The following PCDH9 variants were observed in gnomAD, a reference collection of about 807,000 sequenced individuals.
PCDH9 encodes the protein protocadherin 9.
PCDH9 carries 24 observed loss-of-function variants against 70.6 expected under a neutral mutation model. The ratio of observed to expected loss-of-function variants is 0.34; its 90% CI spans 0.25 to 0.48. PCDH9 has a LOEUF of 0.48. Ranked by LOEUF, PCDH9 falls within the 20% of genes least tolerant of loss-of-function variation. The pLI, the probability that PCDH9 is intolerant of heterozygous loss-of-function variation, is 0.99. For missense variants in PCDH9, 1,281 were observed against 1,503.6 expected (o/e 0.85, Z 2.45); for synonymous variants, 562 against 558.5 (o/e 1.01, Z -0.09).
intron 3 of PCDH9, among the ~76,000 whole-genome samples, chr13:66,731,943 T>A (rs973560841): frequency 6.6e-6 from 1 of 151,966 alleles, no homozygotes; most frequent in African/African-American, 2.4e-5. Context: ...TTGTGGACCA[T>A]AAGAACCTCA....
At chr13:67,197,671 C>G (rs943885035) in intron 2 of PCDH9, among the ~76,000 whole-genome samples, 2 of 151,816 alleles carry the variant, frequency 1.3e-5, no homozygotes, top group Non-Finnish European at 2.9e-5. Flanking sequence ...AAACATAAAG[C>G]TTTTTAGAAA....
chr13:66,929,864 G>A (rs537911070), intron 2 of PCDH9, among the ~76,000 whole-genome samples: 19 of 152,178 alleles, frequency 1.2e-4, no homozygotes, highest in African/African-American at 4.3e-4. Context: ...ATTTCTGGCA[G>A]TAAAATAAAT....
chr13:66,735,614 A>C (rs2079136360), intron 3 of PCDH9, among the ~76,000 whole-genome samples: 2 of 152,164 alleles, frequency 1.3e-5, no homozygotes, highest in African/African-American at 4.8e-5. Flanking sequence ...ATGAAACAGA[A>C]TCAGAGATAT....
chr13:66,970,512 T>C (rs914279596), intron 2 of PCDH9, among the ~76,000 whole-genome samples: 7 of 151,124 alleles, frequency 4.6e-5, no homozygotes, highest in African/African-American at 1.7e-4. Flanking sequence ...TAGTGATGCA[T>C]GTGTGTGGTC....
At chr13:67,174,180 T>C (rs1296549764) in intron 2 of PCDH9, among the ~76,000 whole-genome samples, 1 of 152,120 alleles carries the variant, frequency 6.6e-6, no homozygotes, top group Non-Finnish European at 1.5e-5. Flanking sequence ...CACATATACA[T>C]AAAATATGTC....
chr13:67,181,602 T>C (rs1242442435), intron 2 of PCDH9, among the ~76,000 whole-genome samples: 1 of 152,146 alleles, frequency 6.6e-6, no homozygotes, highest in Non-Finnish European at 1.5e-5. Context: ...TCTGTGCACA[T>C]ATCCTAAACA....
chr13:66,695,437 A>T (rs2078549102), intron 3 of PCDH9, among the ~76,000 whole-genome samples: 1 of 152,198 alleles, frequency 6.6e-6, no homozygotes, highest in Non-Finnish European at 1.5e-5. Flanking sequence ...ACATGATGTG[A>T]CTGCATCTTG....
intron 2 of PCDH9, 100 bp downstream of exon 2, chr13:67,225,293 CTTTCTAACTAAG>C (rs2089828043): frequency 1.5e-6 from 2 of 1,330,178 alleles, no homozygotes; most frequent in Non-Finnish European, 2.1e-6. Flanking sequence ...TTTTTTACCT[CTTTCTAACTAAG>C]CTAAAGTTAG....
At chr13:66,796,312 T>C (rs2080240011) in intron 3 of PCDH9, among the ~76,000 whole-genome samples, 1 of 152,152 alleles carries the variant, frequency 6.6e-6, no homozygotes, top group South Asian at 2.1e-4. Context: ...AAAAGCAAAG[T>C]TGCAGACCCT....
intron 3 of PCDH9, among the ~76,000 whole-genome samples, chr13:66,846,444 C>T (rs2081211335): frequency 6.6e-6 from 1 of 151,910 alleles, no homozygotes; most frequent in South Asian, 2.1e-4. Context: ...TTTTTAGCCA[C>T]CTAAAATACT....
intron 3 of PCDH9, among the ~76,000 whole-genome samples, chr13:66,893,866 C>G (rs1410683572): frequency 2.6e-5 from 4 of 152,116 alleles, no homozygotes; most frequent in East Asian, 1.9e-4. Context: ...CTATTCTACT[C>G]TCTTACATTC....
intron 2 of PCDH9, among the ~76,000 whole-genome samples, chr13:66,987,197 A>G (rs2083909642): frequency 6.6e-6 from 1 of 151,984 alleles, no homozygotes; most frequent in Admixed American, 6.6e-5. Context: ...TTTATTCAAT[A>G]TATGCTTTGT....
Position 67,095,268 on chromosome 13 carries a change from C to T in PCDH9, c.3036+130137G>A, listed in dbSNP as rs189059297. Among the ~76,000 whole-genome samples, 8 of 152,184 alleles carry T rather than the reference C, an allele frequency of 5.3e-5. No individual in the cohort carries two copies. In the East Asian group the frequency reaches 1.5e-3, roughly 29 times the overall value. ...AGCGTTTCCTAACAACTCTATATAT[C>T]ACAATTGAATTTATTTAGATTGTAT... On this transcript the variant is annotated intron_variant, in intron 2 of 4. Coordinates refer to ENST00000377865, the MANE Select transcript of PCDH9 (RefSeq NM_203487.3).
At chr13:66,311,184 A>C (rs1175446959) in intron 4 of PCDH9, among the ~76,000 whole-genome samples, 1 of 152,090 alleles carries the variant, frequency 6.6e-6, no homozygotes. Flanking sequence ...CTTAATCTTC[A>C]TACTTGTTCT....
chr13:66,553,708 T>A (rs1961597299), intron 4 of PCDH9, among the ~76,000 whole-genome samples: 1 of 152,220 alleles, frequency 6.6e-6, no homozygotes, highest in Non-Finnish European at 1.5e-5. Flanking sequence ...CAATACCAAG[T>A]ACCTCTTGTA....
chr13:66,865,071 C>T (rs1308005819), intron 3 of PCDH9, among the ~76,000 whole-genome samples: 4 of 152,160 alleles, frequency 2.6e-5, no homozygotes, highest in Non-Finnish European at 5.9e-5. Flanking sequence ...ATCCCTAAAA[C>T]AGAATCTTCA....
At chr13:66,705,018 T>G (rs2078693392) in intron 3 of PCDH9, among the ~76,000 whole-genome samples, 1 of 152,144 alleles carries the variant, frequency 6.6e-6, no homozygotes, top group Non-Finnish European at 1.5e-5. Flanking sequence ...TTTTTTGAAT[T>G]TTAATGTTCC....
At chr13:66,796,441 A>G (rs2080242235) in intron 3 of PCDH9, among the ~76,000 whole-genome samples, 1 of 152,176 alleles carries the variant, frequency 6.6e-6, no homozygotes, top group African/African-American at 2.4e-5. Flanking sequence ...CAGTCATTTA[A>G]GCAGTACCCC....
intron 2 of PCDH9, among the ~76,000 whole-genome samples, chr13:66,922,338 C>A (rs1461446828): frequency 1.3e-5 from 2 of 151,342 alleles, no homozygotes; most frequent in African/African-American, 2.4e-5. Context: ...ATTTCTTCTT[C>A]AATACCAGGA....
Sources: gnomAD v4.1 joint callset for allele counts (sites outside exome capture counted in the v4.1 genomes callset) on GRCh38, gnomAD v4.1.1 for gene constraint, MANE v1.5 for transcripts, NCBI Gene and HGNC (gene_info 2026-07-23, HGNC 2026-07-21) for gene names.